The following CALN1 variants were observed in gnomAD, a reference collection of about 807,000 sequenced individuals.
CALN1 encodes the protein calneuron 1.
CALN1 carries 17 observed loss-of-function variants against 30.6 expected under a neutral mutation model. The ratio of observed to expected loss-of-function variants is 0.56; its 90% CI spans 0.38 to 0.83. CALN1 has a LOEUF of 0.83. Among genes scored for constraint, CALN1 ranks in the 40% least tolerant of loss-of-function variants. The pLI, the probability that CALN1 is intolerant of heterozygous loss-of-function variation, is 0.00. For missense variants in CALN1, 291 were observed against 354.9 expected (o/e 0.82, Z 1.45); for synonymous variants, 156 against 131.4 (o/e 1.19, Z -1.28).
At chr7:72,393,784 C>G (rs1585648867) in intron 2 of CALN1, among the ~76,000 whole-genome samples, 1 of 143,466 alleles carries the variant, frequency 7.0e-6, no homozygotes, top group Middle Eastern at 4.0e-3. Context: ...GAGTCTCGCT[C>G]TGTCACCCAG....
At chr7:71,867,318 C>G (rs190135339) in intron 5 of CALN1, among the ~76,000 whole-genome samples, 10 of 152,200 alleles carry the variant, frequency 6.6e-5, no homozygotes, top group African/African-American at 2.4e-4. Flanking sequence ...TAAAATACAT[C>G]AAAATGTCCT....
chr7:72,435,071 G>T (rs1585725942), intron 1 of CALN1, among the ~76,000 whole-genome samples: 3 of 151,964 alleles, frequency 2.0e-5, no homozygotes, highest in South Asian at 2.1e-4. Flanking sequence ...TACAAAAATG[G>T]TTTTTTTAAA....
intron 5 of CALN1, among the ~76,000 whole-genome samples, chr7:72,000,689 A>G (rs1166901466): frequency 6.6e-6 from 1 of 152,202 alleles, no homozygotes; most frequent in Non-Finnish European, 1.5e-5. Flanking sequence ...TTACTAATTC[A>G]TTTTACAAGG....
the CALN1 span, among the ~76,000 whole-genome samples, chr7:72,500,406 G>A: frequency 1.4e-5 from 2 of 142,868 alleles, no homozygotes; most frequent in Non-Finnish European, 3.0e-5. Context: ...TCAGCCTCCC[G>A]AGTAGCTGGG....
At chr7:72,369,795 T>TTG (rs1169069193) in intron 2 of CALN1, among the ~76,000 whole-genome samples, 3 of 152,214 alleles carry the variant, frequency 2.0e-5, no homozygotes, top group Non-Finnish European at 2.9e-5. Flanking sequence ...TTCACCCATG[T>TTG]TGTGTCTAGG....
At chr7:72,401,244 G>T (rs1554401086) in intron 2 of CALN1, among the ~76,000 whole-genome samples, 1 of 152,154 alleles carries the variant, frequency 6.6e-6, no homozygotes, top group Admixed American at 6.5e-5. Flanking sequence ...TGCACTCTGA[G>T]AGATAACATT....
chr7:72,485,401 A>T, the CALN1 span, among the ~76,000 whole-genome samples: 5 of 152,370 alleles, frequency 3.3e-5, 2 homozygotes, highest in Admixed American at 3.3e-4. Flanking sequence ...TCTACAAAAG[A>T]AATTTTTTTA....
the CALN1 span, among the ~76,000 whole-genome samples, chr7:72,494,430 C>T: frequency 1.3e-5 from 2 of 152,228 alleles, no homozygotes; most frequent in Admixed American, 1.3e-4. Context: ...CAGGCACTGT[C>T]CTGGTAGTAA....
At chr7:72,499,587 T>C in the CALN1 span, among the ~76,000 whole-genome samples, 15 of 152,050 alleles carry the variant, frequency 9.9e-5, no homozygotes, top group African/African-American at 3.1e-4. Flanking sequence ...ATAAACTGAC[T>C]CACATGCAGA....
At chr7:72,185,011 T>C (rs972649988) in intron 3 of CALN1, among the ~76,000 whole-genome samples, 3 of 151,982 alleles carry the variant, frequency 2.0e-5, no homozygotes, top group Non-Finnish European at 4.4e-5. Flanking sequence ...CACTGTGTTG[T>C]CCAGGCTGGT....
At chr7:71,934,860 T>TG (rs1291431211) in intron 5 of CALN1, among the ~76,000 whole-genome samples, 2 of 152,194 alleles carry the variant, frequency 1.3e-5, no homozygotes, top group Middle Eastern at 6.3e-3. Flanking sequence ...TATTACATGG[T>TG]GGCAGAGAAG....
At chr7:72,440,020 C>A (rs953994574) in intron 1 of CALN1, among the ~76,000 whole-genome samples, 6 of 152,190 alleles carry the variant, frequency 3.9e-5, no homozygotes, top group Non-Finnish European at 7.3e-5. Context: ...GTTCAAGGAT[C>A]AACTGTATTC....
At chr7:71,855,033 C>T (rs1027021829) in intron 5 of CALN1, among the ~76,000 whole-genome samples, 3 of 152,124 alleles carry the variant, frequency 2.0e-5, no homozygotes, top group Non-Finnish European at 2.9e-5. Context: ...AAAGAACTGC[C>T]GATGGCTGAA....
At chr7:71,795,279 C>G (rs1215381703) in intron 6 of CALN1, among the ~76,000 whole-genome samples, 1 of 152,142 alleles carries the variant, frequency 6.6e-6, no homozygotes, top group Non-Finnish European at 1.5e-5. Context: ...CTCGGCCTCC[C>G]AAAGTGCTGG....
intron 2 of CALN1, among the ~76,000 whole-genome samples, chr7:72,343,140 G>C (rs1802460804): frequency 6.6e-6 from 1 of 152,148 alleles, no homozygotes; most frequent in African/African-American, 2.4e-5. Context: ...CTATTAATGA[G>C]AGTTGCAAGG....
intron 3 of CALN1, among the ~76,000 whole-genome samples, chr7:72,114,309 G>GAAGGGAAGGGAAGGGAAGGCAAGGC (rs1350961654): frequency 1.4e-4 from 14 of 97,970 alleles, no homozygotes; most frequent in African/African-American, 2.6e-4. Flanking sequence ...GAAGGGAAGG[G>GAAGGGAAGGGAAGGGAAGGCAAGGC]AAGGCAACAC....
At chr7:72,028,065 A>AT in intron 4 of CALN1, among the ~76,000 whole-genome samples, 2 of 111,646 alleles carry the variant, frequency 1.8e-5, no homozygotes, top group African/African-American at 9.7e-5. Context: ...TCTCAAAAAA[A>AT]AAAAAAAAAA....
chr7:72,137,230 T>A (rs1359138100), intron 3 of CALN1, among the ~76,000 whole-genome samples: 1 of 152,168 alleles, frequency 6.6e-6, no homozygotes, highest in Non-Finnish European at 1.5e-5. Context: ...GAGAGGGGTT[T>A]ATCTTAGGGT....
At chr7:72,483,537 G>A in the CALN1 span, among the ~76,000 whole-genome samples, 1 of 151,934 alleles carries the variant, frequency 6.6e-6, no homozygotes, top group Non-Finnish European at 1.5e-5. Flanking sequence ...CACCTGCCTT[G>A]GCCTCCCCAA....
Sources: allele counts gnomAD v4.1 joint callset (sites outside exome capture counted in the v4.1 genomes callset), GRCh38; gene constraint gnomAD v4.1.1; transcripts MANE v1.5; gene names NCBI Gene and HGNC (gene_info 2026-07-23, HGNC 2026-07-21).